The following PLA2G4E variants were observed in gnomAD, a reference collection of about 807,000 sequenced individuals.
The protein encoded by PLA2G4E is phospholipase A2 group IVE, also known as cytosolic phospholipase A2 epsilon.
In PLA2G4E, 84 loss-of-function variants were observed where a neutral mutation model predicts 109.1. That is an observed-to-expected ratio of 0.77 (90% CI 0.65 to 0.92). The LOEUF (loss-of-function observed/expected upper bound fraction) is 0.92. Among genes scored for constraint, PLA2G4E ranks in the 40% least tolerant of loss-of-function variants. PLA2G4E has a pLI of 0.00. For synonymous variants in PLA2G4E, 469 were observed against 436.1 expected (o/e 1.08, Z -0.94); for missense variants, 1,057 against 1,076.6 (o/e 0.98, Z 0.25).
chr15:42,032,361 C>T (rs868290734), intron 1 of PLA2G4E, among the ~76,000 whole-genome samples: 5 of 152,166 alleles, frequency 3.3e-5, no homozygotes, highest in African/African-American at 7.2e-5. Context: ...GTTCAAACCC[C>T]GGAGTCAAGG....
chr15:42,045,705 A>T (rs544422854), intron 1 of PLA2G4E, among the ~76,000 whole-genome samples: 1 of 152,308 alleles, frequency 6.6e-6, no homozygotes, highest in Non-Finnish European at 1.5e-5. Context: ...TGAAAGGTGG[A>T]AAACGGGAGA....
chr15:41,983,335 CCTCTCAGGTCCTT>C (rs1234116979), exon 20 of PLA2G4E: 2 of 180,400 alleles, frequency 1.1e-5, no homozygotes, highest in Non-Finnish European at 2.3e-5. Flanking sequence ...ACGCCGAGTG[CCTCTCAGGTCCTT>C]CTGTGCATTT....
intron 1 of PLA2G4E, among the ~76,000 whole-genome samples, chr15:42,036,166 T>C (rs575008534): frequency 1.3e-5 from 2 of 152,248 alleles, no homozygotes; most frequent in African/African-American, 4.8e-5. Flanking sequence ...GAGCGGCCGC[T>C]GCCATCACCG....
chr15:42,036,659 A>C (rs1248808324), intron 1 of PLA2G4E, among the ~76,000 whole-genome samples: 1 of 152,062 alleles, frequency 6.6e-6, no homozygotes, highest in Non-Finnish European at 1.5e-5. Context: ...AACAGAAGGG[A>C]GCTCATAGCC....
Position 42,000,011 on chromosome 15 carries a change from G to T in PLA2G4E, c.853-11C>A, listed in dbSNP as rs1236564674. 3.7e-6 allele frequency: 6 copies of T among 1,602,064 alleles called. No individual in the cohort carries two copies. The highest frequency in any genetic ancestry group is 5.1e-6 in the Non-Finnish European group (6 of 1,174,712). On this transcript the variant is annotated splice_polypyrimidine_tract_variant and intron_variant, in intron 8 of 19. Transcript: ENST00000399518. ...AGAGCGGCAGCAAAGCTGGAGGGAT[G>T]GGTGGGTTCTGTGAGAGGGGCTGGG...
At chr15:42,013,214 T>C (rs1234327000) in intron 2 of PLA2G4E, among the ~76,000 whole-genome samples, 2 of 152,178 alleles carry the variant, frequency 1.3e-5, no homozygotes, top group Non-Finnish European at 2.9e-5. Context: ...TTCAGATCTT[T>C]GTCTTGAGAA....
At chr15:41,990,075 G>T (rs2068216736) in intron 14 of PLA2G4E, 46 bp downstream of exon 14, 4 of 1,530,136 alleles carry the variant, frequency 2.6e-6, no homozygotes, top group Non-Finnish European at 3.6e-6. Context: ...CCACCAAGAA[G>T]TCCCCCCCTC....
chr15:41,982,925 C>T (rs984876371), exon 20 of PLA2G4E: 2 of 152,226 alleles, frequency 1.3e-5, no homozygotes, highest in Non-Finnish European at 2.9e-5. Context: ...GATCTTCTAG[C>T]TTCATGCTTC....
chr15:42,042,224 C>A (rs1889327370), intron 1 of PLA2G4E, among the ~76,000 whole-genome samples: 1 of 151,952 alleles, frequency 6.6e-6, no homozygotes, highest in Non-Finnish European at 1.5e-5. Context: ...GTAGAAATGA[C>A]AAGTTTTACA....
At chr15:41,984,140 G>T (rs2068102552) in intron 19 of PLA2G4E, among the ~76,000 whole-genome samples, 166 bp from the exon 20 acceptor site, 1 of 152,220 alleles carries the variant, frequency 6.6e-6, no homozygotes, top group Non-Finnish European at 1.5e-5. Flanking sequence ...ACACCTGCAA[G>T]CTCCTCAGGG....
At chr15:42,015,793 C>T (rs1438613258) in intron 1 of PLA2G4E, among the ~76,000 whole-genome samples, 1 of 152,224 alleles carries the variant, frequency 6.6e-6, no homozygotes, top group East Asian at 1.9e-4. Context: ...CTTCTGGTCC[C>T]TAGGGGCCCA....
chr15:42,043,263 T>G (rs971794497), intron 1 of PLA2G4E, among the ~76,000 whole-genome samples: 1 of 152,108 alleles, frequency 6.6e-6, no homozygotes, highest in Admixed American at 6.5e-5. Context: ...GGCCCACCTT[T>G]GTTGCCTAAG....
At chr15:41,988,290 T>G in intron 15 of PLA2G4E, 134 bp from the exon 16 acceptor site, 1 of 595,194 alleles carries the variant, frequency 1.7e-6, no homozygotes. Flanking sequence ...GACTTCAGAC[T>G]TCCATGTCCT....
chr15:42,001,282 G>T (rs1466659863), intron 6 of PLA2G4E, 62 bp from the exon 7 acceptor site: 12 of 1,465,414 alleles, frequency 8.2e-6, no homozygotes, highest in Non-Finnish European at 6.7e-6. Context: ...TGCTCTTCCA[G>T]GCTGAAGGGA....
intron 1 of PLA2G4E, among the ~76,000 whole-genome samples, chr15:42,045,354 G>T (rs190488625): frequency 6.6e-6 from 1 of 152,182 alleles, no homozygotes; most frequent in Admixed American, 6.5e-5. Context: ...CGGGAGGATG[G>T]GGTGGGGTGG....
intron 14 of PLA2G4E, among the ~76,000 whole-genome samples, chr15:41,989,816 A>G (rs1438523946): frequency 2.0e-5 from 3 of 152,230 alleles, no homozygotes; most frequent in Non-Finnish European, 2.9e-5. Context: ...ACCCTGAAGC[A>G]GGGCAGCTCT....
intron 1 of PLA2G4E, among the ~76,000 whole-genome samples, chr15:42,049,985 C>T (rs181845092): frequency 7.2e-5 from 11 of 152,304 alleles, no homozygotes; most frequent in South Asian, 2.1e-4. Flanking sequence ...GTGGGGTTTG[C>T]GAGGTAAGCC....
At chr15:41,983,696 G>A (rs1463384168) in exon 20 of PLA2G4E, 3 of 1,454,946 alleles carry the variant, frequency 2.1e-6, no homozygotes, top group African/African-American at 1.4e-5. Flanking sequence ...TCAGCCCTGA[G>A]GGGTCCTGCA....
chr15:42,011,818 T>A lies in PLA2G4E; in HGVS notation c.256+1867A>T, dbSNP rs182384919. ...CTGTGGATATGTGGGAGCTGGGTTG[T>A]CCCAAGGATGAGGGTGAACTCTGCC... On this transcript the variant is annotated intron_variant, in intron 2 of 19. Transcript: ENST00000399518. 2.2e-3 allele frequency among the ~76,000 whole-genome samples: 341 copies of A among 152,270 alleles called. 7 individuals carry two copies. Among genetic ancestry groups the A allele is most frequent in the Admixed American group, 0.02 (313 of 15,292 alleles).
Sources: allele counts gnomAD v4.1 joint callset (sites outside exome capture counted in the v4.1 genomes callset), GRCh38; gene constraint gnomAD v4.1.1; transcripts MANE v1.5; gene names NCBI Gene and HGNC (gene_info 2026-07-23, HGNC 2026-07-21).